NEU3: variants seen among roughly 807,000 people sequenced by gnomAD.
The protein encoded by NEU3 is sialidase-3.
A neutral mutation model predicts 11.4 loss-of-function variants in NEU3; 10 were observed. The observed-to-expected ratio is 0.88, with a 90% confidence interval of 0.54 to 1.49. The LOEUF (loss-of-function observed/expected upper bound fraction) is 1.49. Ranked by LOEUF, NEU3 falls within the 40% of genes most tolerant of loss-of-function variation. NEU3 has a pLI of 0.00. For synonymous variants in NEU3, 212 were observed against 228.2 expected (o/e 0.93, Z 0.64); for missense variants, 529 against 581.8 (o/e 0.91, Z 0.93).
chr11:74,995,225 G>A (rs182984431), intron 2 of NEU3, among the ~76,000 whole-genome samples: 99 of 152,296 alleles, frequency 6.5e-4, no homozygotes, highest in Admixed American at 2.9e-3. Context: ...TTTAGCAGGT[G>A]ACAGGGGGAT....
chr11:75,004,453 CT>C (rs889985246), intron 2 of NEU3: 8 of 461,880 alleles, frequency 1.7e-5, no homozygotes, highest in Admixed American at 1.2e-4. Flanking sequence ...TGAAGCTGAA[CT>C]TTTTTTTCTC....
chr11:74,992,866 A>G (rs1049485011), intron 1 of NEU3, among the ~76,000 whole-genome samples: 23 of 152,190 alleles, frequency 1.5e-4, no homozygotes, highest in Non-Finnish European at 7.4e-5. Flanking sequence ...AGGCTGAAGC[A>G]GGGGAGTTGC....
the NEU3 span, among the ~76,000 whole-genome samples, chr11:74,982,735 C>T: frequency 3.9e-5 from 6 of 152,048 alleles, no homozygotes; most frequent in Non-Finnish European, 8.8e-5. Flanking sequence ...CAATAGCATG[C>T]AGGAGAGCAG....
At chr11:75,014,336 G>GAGAT (rs1344496115), downstream of NEU3, among the ~76,000 whole-genome samples, 2 of 152,132 alleles carry the variant, frequency 1.3e-5, no homozygotes, top group Non-Finnish European at 2.9e-5. Context: ...TCACAAGTTG[G>GAGAT]AGATAGATTC....
chr11:75,004,883 C>T (rs1338688116), intron 2 of NEU3, among the ~76,000 whole-genome samples: 1 of 151,820 alleles, frequency 6.6e-6, no homozygotes, highest in African/African-American at 2.4e-5. Context: ...CCTTGCTTTT[C>T]TTTTCTTCCT....
At chr11:74,990,332 T>C (rs1403199324) in intron 1 of NEU3, among the ~76,000 whole-genome samples, 1 of 152,088 alleles carries the variant, frequency 6.6e-6, no homozygotes, top group African/African-American at 2.4e-5. Flanking sequence ...GCTTCTCCTT[T>C]GGTGATTATT....
chr11:74,985,223 C>T (rs1948658406), upstream of NEU3, among the ~76,000 whole-genome samples: 4 of 152,074 alleles, frequency 2.6e-5, no homozygotes, highest in South Asian at 8.3e-4. Context: ...ATATTTCAGA[C>T]AAATAAGGCT....
At position 75,005,811 on chromosome 11, in the gene NEU3, G is replaced by C. The variant is rs1948891485; in HGVS notation, c.705G>C (p.Met235Ile). The change falls in exon 3 of 3, where the codon ATG becomes ATC. Residue 235 changes from methionine to isoleucine, a missense_variant. Met to Ile is a conservative substitution (Grantham distance 10, BLOSUM62 1). Coordinates refer to ENST00000294064, the MANE Select transcript of NEU3 (RefSeq NM_006656.6). ...LPCKTRPHSL[M>I]IYSDDLGVTW... ...GTAAAACCAGGCCTCATTCTCTGAT[G>C]ATCTACAGTGATGACCTAGGGGTCA... is the stretch of plus-strand genomic sequence containing the variant. 1.2e-6 allele frequency: 2 copies of C among 1,613,884 alleles called. No individual in the cohort carries two copies. The highest frequency in any genetic ancestry group is 3.3e-5 in the Admixed American group (2 of 60,008).
At chr11:75,019,674 A>C (rs965517710), downstream of NEU3, among the ~76,000 whole-genome samples, 1 of 152,190 alleles carries the variant, frequency 6.6e-6, no homozygotes, top group African/African-American at 2.4e-5. Flanking sequence ...GGGATTTGGG[A>C]ACCTCTGCCC....
At chr11:75,013,102 G>T (rs544873135), downstream of NEU3, among the ~76,000 whole-genome samples, 276 of 152,342 alleles carry the variant, frequency 1.8e-3, no homozygotes, top group Non-Finnish European at 3.4e-3. Flanking sequence ...AACAGAGAGA[G>T]AACTGGACTA....
In NEU3 at chr11:75,005,938, C is replaced by G. The variant is rs376361957; in HGVS notation, c.832C>G (p.Arg278Gly). ...AGHPVLYCSA[R>G]TPNRCRAEAL... ...CCACCCTGTGCTATATTGCAGTGCC[C>G]GGACACCAAACAGGTGCCGGGCAGA... The change falls in exon 3 of 3, where the codon CGG (arginine) becomes GGG (glycine). Residue 278 changes from arginine to glycine, a missense_variant. Coordinates refer to ENST00000294064, the MANE Select transcript of NEU3 (RefSeq NM_006656.6). 1 of 1,613,460 alleles carries G rather than the reference C, an allele frequency of 6.2e-7. No individual in the cohort carries two copies. Among genetic ancestry groups the G allele is most frequent in the South Asian group, 1.1e-5 (1 of 91,078 alleles).
At chr11:74,987,886 CTTTTTTTTTTTCTTTTTTTTTT>C (rs1389268662), upstream of NEU3, among the ~76,000 whole-genome samples, 1 of 83,258 alleles carries the variant, frequency 1.2e-5, no homozygotes, top group African/African-American at 5.6e-5. Flanking sequence ...GGTTCTAGGC[CTTTTTTTTTTTCTTTTTTTTTT>C]TTTTTTTTTT....
upstream of NEU3, among the ~76,000 whole-genome samples, chr11:74,984,289 A>G (rs1050546020): frequency 1.3e-5 from 2 of 152,198 alleles, no homozygotes; most frequent in African/African-American, 4.8e-5. Context: ...ATCAGAGCAA[A>G]GGGCGCACAT....
chr11:75,005,779 C>G lies in NEU3; in HGVS notation c.673C>G (p.Leu225Val), dbSNP rs1330772870. 1.2e-6 allele frequency: 2 copies of G among 1,613,914 alleles called. No homozygotes were observed. Among genetic ancestry groups the G allele is most frequent in the South Asian group, 2.2e-5 (2 of 91,082 alleles). The change falls in exon 3 of 3, where the codon CTA becomes GTA. Residue 225 changes from leucine (L) to valine (V), a missense_variant. Transcript: ENST00000294064. ...CCCTTCCTGGTTCTTTTGCTTCCAG[C>G]TACCATGTAAAACCAGGCCTCATTC... ...YIPSWFFCFQ[L>V]PCKTRPHSLM... is the part of the protein sequence containing the mutation.
chr11:74,989,225 A>G, intron 1 of NEU3, 71 bp downstream of exon 1: 2 of 1,299,054 alleles, frequency 1.5e-6, no homozygotes, highest in East Asian at 5.1e-5. Context: ...GAGCAAGACC[A>G]TCTGCGTTTG....
chr11:75,002,049 T>C (rs1426265982), intron 2 of NEU3, among the ~76,000 whole-genome samples: 1 of 152,222 alleles, frequency 6.6e-6, no homozygotes, highest in Non-Finnish European at 1.5e-5. Flanking sequence ...TGGTCCATAA[T>C]GGCTTAGATT....
rs1249691920 is a variant in NEU3, at chr11:75,009,627, CTG to C, written c.*3137_*3138del. 2 of 152,252 alleles carry C rather than the reference CTG, an allele frequency of 1.3e-5. No homozygotes were observed. Among genetic ancestry groups the C allele is most frequent in the Non-Finnish European group, 2.9e-5 (2 of 68,096 alleles). The allele number at this position is 152,252 out of a possible 1,614,324, so 9.4% of individuals were successfully genotyped here. On this transcript the variant is annotated 3_prime_UTR_variant, in exon 3 of 3. Transcript: ENST00000294064. ...CATGTAGAGAGGACTACATAGGCCTCTGTTCTTTGCCCTCAGGAGCCCCCTTC... is the reference window on the plus strand; with the variant it reads ...CATGTAGAGAGGACTACATAGGCCTCTTCTTTGCCCTCAGGAGCCCCCTTC...
upstream of NEU3, among the ~76,000 whole-genome samples, chr11:74,984,563 C>T (rs1948655230): frequency 6.6e-6 from 1 of 152,156 alleles, no homozygotes; most frequent in African/African-American, 2.4e-5. Context: ...TTGACAGCCC[C>T]ACTCCTACTT....
At chr11:74,998,689 G>A (rs1948815976) in intron 2 of NEU3, among the ~76,000 whole-genome samples, 1 of 152,180 alleles carries the variant, frequency 6.6e-6, no homozygotes. Context: ...CATGGGCCTT[G>A]CCATCAATCC....
Sources: gnomAD v4.1 joint callset for allele counts (sites outside exome capture counted in the v4.1 genomes callset) on GRCh38, gnomAD v4.1.1 for gene constraint, MANE v1.5 for transcripts, NCBI Gene and HGNC (gene_info 2026-07-23, HGNC 2026-07-21) for gene names.